The following EPHA4 variants were observed in gnomAD, a reference collection of about 807,000 sequenced individuals.
EPHA4 encodes EPH receptor A4, also known as ephrin type-A receptor 4.
In EPHA4, 19 loss-of-function variants were observed where a neutral mutation model predicts 108.3. That is an observed-to-expected ratio of 0.18 (90% CI 0.12 to 0.26). The LOEUF (loss-of-function observed/expected upper bound fraction) is 0.26, where lower values mean the gene tolerates loss of function less well. Ranked by LOEUF, EPHA4 falls within the 10% of genes least tolerant of loss-of-function variation. The pLI is 1.00. For synonymous variants in EPHA4, 449 were observed against 455.5 expected, an observed-to-expected ratio of 0.99 and a Z score of 0.18; for missense variants, 917 against 1,254.0, an observed-to-expected ratio of 0.73 and a Z score of 4.06.
intron 3 of EPHA4, among the ~76,000 whole-genome samples, chr2:221,547,756 G>A (rs143254217): frequency 0.012 from 1,783 of 152,298 alleles, 39 homozygotes; most frequent in African/African-American, 0.041. Flanking sequence ...GTAAGCTGGA[G>A]CCAGTCTATC....
rs1263743321 is a variant in EPHA4 at position 221,502,007 on chromosome 2, C to T, written c.824-835G>A. Among the ~76,000 whole-genome samples the T allele has an allele frequency of 2.6e-5, 4 of 152,004 alleles. No homozygotes were observed. The South Asian group carries it at 6.2e-4, about 24-fold the overall frequency. ...CTTCCCCTGCAATGCACACACCTCCCGAGAGCCTGGTGTAGAGAACACGGG... is the reference window on the plus strand; with the variant it reads ...CTTCCCCTGCAATGCACACACCTCCTGAGAGCCTGGTGTAGAGAACACGGG... On this transcript the variant is annotated intron_variant, in intron 3 of 17. Transcript: ENST00000281821.
At chr2:221,485,195 A>T (rs1691943151) in intron 4 of EPHA4, among the ~76,000 whole-genome samples, 2 of 152,220 alleles carry the variant, frequency 1.3e-5, no homozygotes, top group African/African-American at 4.8e-5. Flanking sequence ...AGTATGTAGG[A>T]CGGGGCACGG....
intron 1 of EPHA4, among the ~76,000 whole-genome samples, chr2:221,569,708 G>T (rs985140836): frequency 3.8e-4 from 58 of 151,974 alleles, no homozygotes; most frequent in African/African-American, 1.4e-3. Flanking sequence ...GGAACCACTG[G>T]GTTATTAATT....
At chr2:221,514,033 A>T (rs1008532005) in intron 3 of EPHA4, among the ~76,000 whole-genome samples, 11 of 151,930 alleles carry the variant, frequency 7.2e-5, no homozygotes, top group African/African-American at 2.7e-4. Context: ...AAAGTACAAA[A>T]GGGTGCTGGC....
intron 8 of EPHA4, among the ~76,000 whole-genome samples, chr2:221,454,087 G>A (rs1442591902): frequency 6.6e-6 from 1 of 152,116 alleles, no homozygotes. Flanking sequence ...GGGTGAGACA[G>A]GAGAATTGCT....
At chr2:221,496,248 G>A (rs1012241083) in intron 4 of EPHA4, among the ~76,000 whole-genome samples, 3 of 152,092 alleles carry the variant, frequency 2.0e-5, no homozygotes, top group African/African-American at 7.2e-5. Context: ...AACTTTCTGT[G>A]GTGATAGAAA....
chr2:221,482,306 C>A, intron 5 of EPHA4, 46 bp downstream of exon 5: 3 of 1,447,924 alleles, frequency 2.1e-6, no homozygotes, highest in Non-Finnish European at 2.8e-6. Flanking sequence ...TAAGCCTTTT[C>A]TCTGTATACA....
At chr2:221,430,234 G>A (rs1346744086) in intron 14 of EPHA4, 83 bp from the exon 15 acceptor site, 1 of 1,416,918 alleles carries the variant, frequency 7.1e-7, no homozygotes, top group Non-Finnish European at 9.6e-7. Flanking sequence ...CATGTTTCTT[G>A]TGCATGAAGC....
intron 5 of EPHA4, among the ~76,000 whole-genome samples, chr2:221,476,469 G>A (rs930790401): frequency 2.6e-5 from 4 of 152,156 alleles, no homozygotes; most frequent in African/African-American, 9.7e-5. Context: ...ATAGTCAGAG[G>A]CAGATTTTTA....
At position 221,513,722 on chromosome 2, in the gene EPHA4, A is replaced by C. The variant is rs556291015; in HGVS notation, c.824-12550T>G. On this transcript the variant is annotated intron_variant, in intron 3 of 17. Coordinates refer to ENST00000281821, the MANE Select transcript of EPHA4 (RefSeq NM_004438.5). The stretch of plus-strand genomic sequence containing the variant: ...GATTTTTAAAAAGTGTTTTATATTT[A>C]ACAGATACGATCAGGTTAAACATCT... 1.3e-3 allele frequency among the ~76,000 whole-genome samples: 197 copies of C among 152,344 alleles called. 2 individuals carry two copies. Among genetic ancestry groups the C allele is most frequent in the East Asian group, 3.9e-4 (2 of 5,182 alleles).
rs75234294 is a variant in EPHA4 at position 221,494,635 on chromosome 2, A to G, written c.979+6382T>C. On this transcript the variant is annotated intron_variant, in intron 4 of 17. Coordinates refer to ENST00000281821, the MANE Select transcript of EPHA4 (RefSeq NM_004438.5). ...AAAGGGAAAACAAAAAAAGAAAGTT[A>G]CTTTAAATATAACATTGATTTAGCT... Among the ~76,000 whole-genome samples the G allele has an allele frequency of 3.7e-3, 566 of 152,258 alleles. 3 individuals carry two copies. Among genetic ancestry groups the G allele is most frequent in the African/African-American group, 0.013 (545 of 41,542 alleles).
Position 221,482,551 on chromosome 2 carries a change from G to A in EPHA4, c.1119C>T (p.Asp373=), listed in dbSNP as rs751255461. ...TTCCACAGGGTCGGCACTTGCTGGG[G>A]TCACCAGCTCCACATTTCTTGCATA... ...NVVCKKCGAG[D]PSKCRPCGSG... is the part of the protein sequence containing the mutation. Residue 373 remains aspartate, a synonymous_variant, in exon 5 of 18, where the codon GAC becomes GAT. Coordinates refer to ENST00000281821, the MANE Select transcript of EPHA4 (RefSeq NM_004438.5). 3 of 1,613,976 alleles carry A rather than the reference G, an allele frequency of 1.9e-6. No homozygotes were observed. Among genetic ancestry groups the A allele is most frequent in the African/African-American group, 1.3e-5 (1 of 74,896 alleles).
intron 12 of EPHA4, 138 bp downstream of exon 12, chr2:221,436,923 C>A (rs1021790129): frequency 8.3e-6 from 6 of 721,834 alleles, no homozygotes; most frequent in African/African-American, 3.5e-5. Context: ...AAAATCACAT[C>A]ATTCTCCATT....
chr2:221,523,820 C>T (rs1261208037), intron 3 of EPHA4, among the ~76,000 whole-genome samples: 1 of 143,222 alleles, frequency 7.0e-6, no homozygotes, highest in East Asian at 2.3e-4. Context: ...TGGTCTCAAA[C>T]TCCTGAACTC....
chr2:221,439,189 A>C (rs905977483), intron 11 of EPHA4, among the ~76,000 whole-genome samples: 1 of 152,178 alleles, frequency 6.6e-6, no homozygotes, highest in African/African-American at 2.4e-5. Context: ...CTTGGTGCAG[A>C]CCAAAGGTGC....
chr2:221,449,781 A>G (rs1690714245), intron 8 of EPHA4, among the ~76,000 whole-genome samples: 1 of 152,224 alleles, frequency 6.6e-6, no homozygotes, highest in East Asian at 1.9e-4. Flanking sequence ...GGTCAAGTGG[A>G]CAGATTTGAT....
intron 3 of EPHA4, among the ~76,000 whole-genome samples, chr2:221,556,912 G>A (rs1018959682): frequency 1.3e-5 from 2 of 152,066 alleles, no homozygotes; most frequent in East Asian, 3.8e-4. Flanking sequence ...TAATGTATAA[G>A]GGTTTGGTAC....
intron 13 of EPHA4, 78 bp from the exon 14 acceptor site, chr2:221,434,369 C>T: frequency 6.7e-7 from 1 of 1,501,420 alleles, no homozygotes. Context: ...GTAGTTCCTG[C>T]TAGCCAAGCA....
chr2:221,505,954 G>A (rs1692618344), intron 3 of EPHA4, among the ~76,000 whole-genome samples: 1 of 152,170 alleles, frequency 6.6e-6, no homozygotes, highest in South Asian at 2.1e-4. Context: ...TTAATGGGGG[G>A]TTAAAAATTA....
Sources: gnomAD v4.1 joint callset for allele counts (sites outside exome capture counted in the v4.1 genomes callset) on GRCh38, gnomAD v4.1.1 for gene constraint, MANE v1.5 for transcripts, NCBI Gene and HGNC (gene_info 2026-07-23, HGNC 2026-07-21) for gene names.